SLIT2: variants seen among roughly 807,000 people sequenced by gnomAD.
The protein encoded by SLIT2 is slit homolog 2 protein.
SLIT2 carries 41 observed loss-of-function variants against 185.7 expected under a neutral mutation model. The ratio of observed to expected loss-of-function variants is 0.22; its 90% CI spans 0.17 to 0.29. The LOEUF (loss-of-function observed/expected upper bound fraction) is 0.29. SLIT2 is among the 10% of genes least tolerant of loss of function. The pLI is 1.00. For synonymous variants in SLIT2, 693 were observed against 680.2 expected (o/e 1.02, Z -0.29); for missense variants, 1,571 against 1,909.0 (o/e 0.82, Z 3.30).
intron 11 of SLIT2, among the ~76,000 whole-genome samples, chr4:20,514,773 T>G (rs1720054348): frequency 6.6e-6 from 1 of 151,350 alleles, no homozygotes. Flanking sequence ...CTTTTTTTTA[T>G]TAACATTATC....
chr4:20,471,732 G>A (rs535459517), intron 5 of SLIT2, among the ~76,000 whole-genome samples: 5 of 152,118 alleles, frequency 3.3e-5, no homozygotes, highest in Non-Finnish European at 2.9e-5. Flanking sequence ...TGCTCAAGGC[G>A]GTATCCCAAC....
chr4:20,430,822 A>G (rs915939551), intron 4 of SLIT2, among the ~76,000 whole-genome samples: 2 of 152,186 alleles, frequency 1.3e-5, no homozygotes, highest in Admixed American at 1.3e-4. Flanking sequence ...GCAGCAGGCC[A>G]TGTGTATCCC....
At chr4:20,555,142 T>C (rs1724138935) in intron 26 of SLIT2, among the ~76,000 whole-genome samples, 1 of 152,110 alleles carries the variant, frequency 6.6e-6, no homozygotes, top group Non-Finnish European at 1.5e-5. Flanking sequence ...ATGTTAAATG[T>C]CTAATCAGAA....
At chr4:20,344,448 C>G (rs1459045211) in intron 4 of SLIT2, among the ~76,000 whole-genome samples, 1 of 152,134 alleles carries the variant, frequency 6.6e-6, no homozygotes, top group Non-Finnish European at 1.5e-5. Flanking sequence ...CTCTTTCATT[C>G]TCTCTGTCTT....
At chr4:20,312,256 G>A (rs1718177964) in intron 4 of SLIT2, among the ~76,000 whole-genome samples, 1 of 152,054 alleles carries the variant, frequency 6.6e-6, no homozygotes, top group Admixed American at 6.6e-5. Flanking sequence ...ACTAACTTAG[G>A]CATTTTATTG....
intron 29 of SLIT2, among the ~76,000 whole-genome samples, chr4:20,586,950 T>C (rs929945858): frequency 1.3e-5 from 2 of 152,122 alleles, no homozygotes; most frequent in African/African-American, 4.8e-5. Flanking sequence ...TAAAGCAAGT[T>C]AGGCAGTAAT....
chr4:20,368,219 CAAAA>C (rs71653879), intron 4 of SLIT2, among the ~76,000 whole-genome samples: 3 of 107,428 alleles, frequency 2.8e-5, no homozygotes, highest in Non-Finnish European at 5.6e-5. Context: ...CACAAAATAG[CAAAA>C]AAAAAAAAAA....
In SLIT2 at chr4:20,447,005, G is replaced by A. The variant is rs566002726; in HGVS notation, c.396-20747G>A. 5.6e-4 allele frequency among the ~76,000 whole-genome samples: 85 copies of A among 152,334 alleles called. No individual in the cohort carries two copies. In the South Asian group the frequency reaches 0.015, roughly 26 times the overall value. ...AGTGAAAGGCACAATCTAGGAATCC[G>A]TGCTATATGTGGATTGTGAGCAGGA... On this transcript the variant is annotated intron_variant, in intron 4 of 36. Transcript: ENST00000504154.
At chr4:20,555,836 T>A (rs575088) in intron 26 of SLIT2, among the ~76,000 whole-genome samples, 5 of 151,742 alleles carry the variant, frequency 3.3e-5, no homozygotes, top group Admixed American at 2.0e-4. Flanking sequence ...AAGATCCCCC[T>A]TAATATATTG....
chr4:20,411,417 A>C (rs1274949252), intron 4 of SLIT2, among the ~76,000 whole-genome samples: 3 of 152,196 alleles, frequency 2.0e-5, no homozygotes, highest in African/African-American at 7.2e-5. Flanking sequence ...ATAACTTGGC[A>C]AACACCCACA....
intron 4 of SLIT2, among the ~76,000 whole-genome samples, chr4:20,370,056 C>T (rs1723448457): frequency 6.6e-6 from 1 of 152,088 alleles, no homozygotes; most frequent in Non-Finnish European, 1.5e-5. Flanking sequence ...CCCAGACCAA[C>T]TGAATAAGAT....
chr4:20,358,282 T>A (rs1206063207), intron 4 of SLIT2, among the ~76,000 whole-genome samples: 1 of 152,110 alleles, frequency 6.6e-6, no homozygotes, highest in African/African-American at 2.4e-5. Flanking sequence ...CTGGTTTTAT[T>A]ACATAGCATA....
chr4:20,465,477 A>G (rs1461509930), intron 4 of SLIT2, among the ~76,000 whole-genome samples: 2 of 152,138 alleles, frequency 1.3e-5, no homozygotes, highest in Non-Finnish European at 2.9e-5. Flanking sequence ...GGAGTCTGGG[A>G]TCCACAATTA....
At chr4:20,502,156 A>G (rs1342420269) in intron 9 of SLIT2, among the ~76,000 whole-genome samples, 2 of 152,256 alleles carry the variant, frequency 1.3e-5, no homozygotes, top group Non-Finnish European at 2.9e-5. Context: ...TGTAGAAGAT[A>G]GAATCAAACT....
intron 30 of SLIT2, among the ~76,000 whole-genome samples, chr4:20,591,565 A>G (rs1375956351): frequency 6.6e-6 from 1 of 152,010 alleles, no homozygotes; most frequent in African/African-American, 2.4e-5. Context: ...TTACAACCCT[A>G]GGCAAAAACC....
chr4:20,304,566 A>C (rs1375837230), intron 4 of SLIT2, among the ~76,000 whole-genome samples: 1 of 152,170 alleles, frequency 6.6e-6, no homozygotes, highest in Non-Finnish European at 1.5e-5. Flanking sequence ...ACAAATGCTT[A>C]CATGTTAGAG....
intron 4 of SLIT2, among the ~76,000 whole-genome samples, chr4:20,282,654 A>T (rs924000349): frequency 1.3e-5 from 2 of 152,230 alleles, no homozygotes; most frequent in South Asian, 4.1e-4. Flanking sequence ...TACAGTGTAC[A>T]CTTGTGTGTT....
chr4:20,389,445 T>C (rs1289759057), intron 4 of SLIT2, among the ~76,000 whole-genome samples: 1 of 152,062 alleles, frequency 6.6e-6, no homozygotes, highest in Non-Finnish European at 1.5e-5. Flanking sequence ...AGTGGCTATC[T>C]CTTCTGGAGT....
At chr4:20,453,007 A>G (rs1243769915) in intron 4 of SLIT2, among the ~76,000 whole-genome samples, 1 of 152,202 alleles carries the variant, frequency 6.6e-6, no homozygotes, top group Non-Finnish European at 1.5e-5. Flanking sequence ...AGAAATTATG[A>G]TATCATGAAA....
Sources: gnomAD v4.1 joint callset for allele counts (sites outside exome capture counted in the v4.1 genomes callset) on GRCh38, gnomAD v4.1.1 for gene constraint, MANE v1.5 for transcripts, NCBI Gene and HGNC (gene_info 2026-07-23, HGNC 2026-07-21) for gene names.